The following AFG2A variants were observed in gnomAD, a reference collection of about 807,000 sequenced individuals.
AFG2A encodes the protein ATPase family gene 2 protein homolog A.
At chr4:122,957,380 A>G in the AFG2A span, among the ~76,000 whole-genome samples, 1 of 152,222 alleles carries the variant, frequency 6.6e-6, no homozygotes, top group Admixed American at 6.5e-5. Context: ...AGACAGAGTA[A>G]ATTACCAGTT....
chr4:123,075,978 A>AC, the AFG2A span, among the ~76,000 whole-genome samples: 7 of 15,858 alleles, frequency 4.4e-4, no homozygotes, highest in East Asian at 0.029. Flanking sequence ...AACAACAACA[A>AC]AAAAAAAAAC....
the AFG2A span, among the ~76,000 whole-genome samples, chr4:122,999,580 G>T: frequency 3.2e-3 from 482 of 151,948 alleles, 1 homozygote; most frequent in Middle Eastern, 0.014. Context: ...TTTCCCCATT[G>T]CTTGTTTTTC....
At chr4:123,318,682 T>A in the AFG2A span, 2,343 of 151,096 alleles carry the variant, frequency 0.016, 57 homozygotes, top group African/African-American at 0.053. Flanking sequence ...AGCTACTCGG[T>A]CGGGGGTTGA....
At chr4:123,159,935 G>A in the AFG2A span, among the ~76,000 whole-genome samples, 1 of 152,128 alleles carries the variant, frequency 6.6e-6, no homozygotes, top group East Asian at 1.9e-4. Context: ...GTGGGCCTCT[G>A]AAAAGCAATG....
At chr4:123,304,541 G>T in the AFG2A span, among the ~76,000 whole-genome samples, 1 of 152,290 alleles carries the variant, frequency 6.6e-6, no homozygotes, top group South Asian at 2.1e-4. Flanking sequence ...CACAATCATC[G>T]CCAGCTGCAG....
the AFG2A span, among the ~76,000 whole-genome samples, chr4:123,260,640 C>T: frequency 0.014 from 2,123 of 152,188 alleles, 57 homozygotes; most frequent in African/African-American, 0.048. Context: ...GATAGTATTC[C>T]CCAAACTAAA....
chr4:123,218,705 T>A, the AFG2A span, among the ~76,000 whole-genome samples: 1 of 152,126 alleles, frequency 6.6e-6, no homozygotes, highest in Non-Finnish European at 1.5e-5. Flanking sequence ...TGGGCCTACC[T>A]TCTATTTTCT....
chr4:123,277,009 T>G, the AFG2A span, among the ~76,000 whole-genome samples: 1 of 152,192 alleles, frequency 6.6e-6, no homozygotes, highest in Non-Finnish European at 1.5e-5. Flanking sequence ...TTTTTCTAAT[T>G]CTGTGAAGAA....
the AFG2A span, among the ~76,000 whole-genome samples, chr4:123,311,513 G>A: frequency 6.6e-6 from 1 of 151,544 alleles, no homozygotes; most frequent in South Asian, 2.1e-4. Context: ...CGTAGTCCCA[G>A]CTACTCAGGA....
chr4:123,288,863 C>T, the AFG2A span, among the ~76,000 whole-genome samples: 4 of 152,150 alleles, frequency 2.6e-5, no homozygotes, highest in Admixed American at 6.5e-5. Context: ...CAGACACTCT[C>T]ATCTAACAGG....
At chr4:123,061,330 C>T in the AFG2A span, among the ~76,000 whole-genome samples, 2 of 152,158 alleles carry the variant, frequency 1.3e-5, no homozygotes, top group Non-Finnish European at 2.9e-5. Context: ...TGGATTAGTC[C>T]ATTTTTATAC....
the AFG2A span, among the ~76,000 whole-genome samples, chr4:123,269,381 T>G: frequency 6.6e-6 from 1 of 152,204 alleles, no homozygotes; most frequent in Non-Finnish European, 1.5e-5. Flanking sequence ...TCATTCTTAT[T>G]TCTCAGAAAC....
chr4:122,938,944 A>G, the AFG2A span, among the ~76,000 whole-genome samples: 3 of 152,104 alleles, frequency 2.0e-5, no homozygotes, highest in Non-Finnish European at 2.9e-5. Flanking sequence ...TTACCCATGT[A>G]CAAATGGACT....
the AFG2A span, among the ~76,000 whole-genome samples, chr4:123,026,556 A>G: frequency 3.9e-5 from 6 of 152,238 alleles, no homozygotes; most frequent in African/African-American, 1.4e-4. Context: ...GATTATTTGT[A>G]CAACAGAATT....
chr4:123,243,216 A>G, the AFG2A span, among the ~76,000 whole-genome samples: 3 of 152,202 alleles, frequency 2.0e-5, no homozygotes. Context: ...AGAACTAGAA[A>G]TACCATTTGA....
the AFG2A span, among the ~76,000 whole-genome samples, chr4:123,305,126 T>C: frequency 2.6e-5 from 4 of 152,186 alleles, no homozygotes; most frequent in Admixed American, 1.3e-4. Context: ...CAGATCCAAG[T>C]GTTCCCTGTG....
At chr4:123,084,327 A>C in the AFG2A span, among the ~76,000 whole-genome samples, 1 of 151,226 alleles carries the variant, frequency 6.6e-6, no homozygotes, top group African/African-American at 2.4e-5. Context: ...TCTAATTTTT[A>C]TTATTTCTTT....
At chr4:123,270,605 T>C in the AFG2A span, among the ~76,000 whole-genome samples, 2 of 152,064 alleles carry the variant, frequency 1.3e-5, no homozygotes, top group Admixed American at 6.6e-5. Context: ...AAAACATAGC[T>C]CATGGAATTA....
the AFG2A span, chr4:122,923,212 G>A: frequency 1.9e-6 from 3 of 1,614,232 alleles, no homozygotes; most frequent in Non-Finnish European, 2.5e-6. Flanking sequence ...GCCCTCTGCT[G>A]CTTCCTCTTG....
Sources: gnomAD v4.1 joint callset for allele counts (sites outside exome capture counted in the v4.1 genomes callset) on GRCh38, gnomAD v4.1.1 for gene constraint, MANE v1.5 for transcripts, NCBI Gene and HGNC (gene_info 2026-07-23, HGNC 2026-07-21) for gene names.